Variants in MIPEP observed in about 807,000 individuals in gnomAD.
MIPEP encodes mitochondrial intermediate peptidase.
A neutral mutation model predicts 90.3 loss-of-function variants in MIPEP; 79 were observed. The observed-to-expected ratio is 0.87, with a 90% CI of 0.73 to 1.05. MIPEP has a LOEUF of 1.05. MIPEP is among the 50% of genes least tolerant of loss of function. MIPEP has a pLI of 0.00. For missense variants in MIPEP, 940 were observed against 905.6 expected (o/e 1.04, Z -0.49); for synonymous variants, 334 against 315.8 (o/e 1.06, Z -0.61).
At chr13:23,853,363 C>T (rs1238386305) in intron 10 of MIPEP, among the ~76,000 whole-genome samples, 3 of 152,132 alleles carry the variant, frequency 2.0e-5, no homozygotes, top group African/African-American at 7.2e-5. Flanking sequence ...TTTCACCATA[C>T]CTTTTCCATG....
intron 14 of MIPEP, among the ~76,000 whole-genome samples, chr13:23,831,472 A>G (rs1868758490): frequency 6.6e-6 from 1 of 151,584 alleles, no homozygotes; most frequent in South Asian, 2.1e-4. Context: ...AAAGAACAGA[A>G]GCTTATGTAG....
intron 10 of MIPEP, among the ~76,000 whole-genome samples, chr13:23,851,497 G>A (rs1203970482): frequency 6.6e-6 from 1 of 152,136 alleles, no homozygotes; most frequent in Non-Finnish European, 1.5e-5. Context: ...GACTATCAAT[G>A]GGTGTTAAAG....
intron 16 of MIPEP, among the ~76,000 whole-genome samples, chr13:23,801,919 C>T (rs1953047456): frequency 1.3e-5 from 2 of 152,180 alleles, no homozygotes; most frequent in South Asian, 4.2e-4. Context: ...TTTTTTCATG[C>T]CTGGTACAGA....
chr13:23,763,766 A>G (rs1369698174), intron 16 of MIPEP, among the ~76,000 whole-genome samples: 1 of 152,164 alleles, frequency 6.6e-6, no homozygotes, highest in South Asian at 2.1e-4. Context: ...TGGCACACAC[A>G]TGCCCCGTTG....
chr13:23,818,820 GTAAC>G (rs1953273062), intron 14 of MIPEP, among the ~76,000 whole-genome samples: 1 of 152,176 alleles, frequency 6.6e-6, no homozygotes, highest in Admixed American at 6.5e-5. Context: ...TAGGCTAAAT[GTAAC>G]AGCGGAGAGG....
chr13:23,808,320 C>T (rs1447443243), intron 15 of MIPEP, among the ~76,000 whole-genome samples: 1 of 151,994 alleles, frequency 6.6e-6, no homozygotes, highest in Non-Finnish European at 1.5e-5. Flanking sequence ...AGGATGGTCT[C>T]GATCTCCTGA....
At chr13:23,764,760 T>C (rs575039825) in intron 16 of MIPEP, among the ~76,000 whole-genome samples, 173 of 152,280 alleles carry the variant, frequency 1.1e-3, no homozygotes, top group African/African-American at 4.1e-3. Context: ...TGAGGGTCTC[T>C]CTCTGTTTCC....
rs192170756 is a variant in MIPEP, at chr13:23,749,264, C to T, written c.2044+7281G>A. ...TCCTGCTGACAGACAGGACTTATTG[C>T]TCCTCGATTGTCGTGATGTTTGTAT... On this transcript the variant is annotated intron_variant, in intron 18 of 18. Transcript: ENST00000382172. Among the ~76,000 whole-genome samples, 8 of 152,270 alleles carry T rather than the reference C, an allele frequency of 5.3e-5. No homozygotes were observed. In the East Asian group the frequency reaches 1.4e-3, roughly 26 times the overall value.
At chr13:23,785,986 A>C (rs1488478355) in intron 16 of MIPEP, among the ~76,000 whole-genome samples, 1 of 152,198 alleles carries the variant, frequency 6.6e-6, no homozygotes, top group Admixed American at 6.5e-5. Flanking sequence ...TGGGAGGCTA[A>C]GGCGAAAGGA....
chr13:23,856,534 A>T (rs907329019), intron 10 of MIPEP, among the ~76,000 whole-genome samples: 1 of 152,188 alleles, frequency 6.6e-6, no homozygotes, highest in African/African-American at 2.4e-5. Flanking sequence ...AATTGGGGGT[A>T]GATTATTCAG....
chr13:23,753,511 T>C (rs572658704), intron 18 of MIPEP, among the ~76,000 whole-genome samples: 1 of 152,364 alleles, frequency 6.6e-6, no homozygotes, highest in African/African-American at 2.4e-5. Flanking sequence ...TCTTTTTTCC[T>C]GTGAGGATCA....
At chr13:23,831,918 C>T (rs556916507) in intron 14 of MIPEP, among the ~76,000 whole-genome samples, 1 of 152,256 alleles carries the variant, frequency 6.6e-6, no homozygotes, top group East Asian at 1.9e-4. Flanking sequence ...AGACTGTCTT[C>T]TTTCCTTGAA....
intron 1 of MIPEP, chr13:23,888,008 C>T (rs980002427): frequency 5.2e-6 from 2 of 386,576 alleles, no homozygotes; most frequent in African/African-American, 2.1e-5. Flanking sequence ...TTACCAGTGA[C>T]CATAATGCTA....
intron 18 of MIPEP, among the ~76,000 whole-genome samples, chr13:23,751,116 T>C (rs576488599): frequency 1.7e-3 from 254 of 152,362 alleles, no homozygotes; most frequent in African/African-American, 5.8e-3. Flanking sequence ...GAACTGTTTT[T>C]AAAGAAACTA....
rs555800357 is a variant in MIPEP, at chr13:23,825,708, G to GC, written c.1653+10531dup. ...CTAAGGTGAAACTAATAGATCTATT[G>GC]CCCCCCTCATTATTATTGTGTGATC... On this transcript the variant is annotated intron_variant, in intron 14 of 18. Coordinates refer to ENST00000382172, the MANE Select transcript of MIPEP (RefSeq NM_005932.4). Among the ~76,000 whole-genome samples, 29 of 152,198 alleles carry GC rather than the reference G, an allele frequency of 1.9e-4. No individual in the cohort carries two copies. In the South Asian group the frequency reaches 5.0e-3, roughly 26 times the overall value.
chr13:23,759,973 C>A, intron 17 of MIPEP, 123 bp downstream of exon 17: 2 of 1,247,992 alleles, frequency 1.6e-6, no homozygotes, highest in South Asian at 1.4e-5. Context: ...GGGGAGCCTG[C>A]CACTTTCTGC....
At chr13:23,858,766 G>T in intron 10 of MIPEP, 94 bp downstream of exon 10, 1 of 1,049,172 alleles carries the variant, frequency 9.5e-7, no homozygotes, top group Non-Finnish European at 1.5e-6. Context: ...GGAAGGGTTT[G>T]TACTGTGGGC....
chr13:23,887,100 G>A (rs1410473196), intron 1 of MIPEP, among the ~76,000 whole-genome samples: 1 of 152,188 alleles, frequency 6.6e-6, no homozygotes, highest in Non-Finnish European at 1.5e-5. Flanking sequence ...TAGGGAGGAT[G>A]AGTTGACTAT....
intron 13 of MIPEP, among the ~76,000 whole-genome samples, 194 bp from the exon 14 acceptor site, chr13:23,836,543 T>C (rs1338130435): frequency 1.3e-5 from 2 of 152,238 alleles, no homozygotes; most frequent in Admixed American, 6.5e-5. Flanking sequence ...TATTTTCCTT[T>C]ATATCAAAAT....
Sources: allele counts gnomAD v4.1 joint callset (sites outside exome capture counted in the v4.1 genomes callset), GRCh38; gene constraint gnomAD v4.1.1; transcripts MANE v1.5; gene names NCBI Gene and HGNC (gene_info 2026-07-23, HGNC 2026-07-21).